The following GPC6 variants were observed in gnomAD, a reference collection of about 807,000 sequenced individuals.
GPC6 encodes glypican-6.
In GPC6, 14 loss-of-function variants were observed where a neutral mutation model predicts 55.2. That is an observed-to-expected ratio of 0.25 (90% confidence interval 0.17 to 0.40). The LOEUF (loss-of-function observed/expected upper bound fraction) is 0.40, where lower values mean the gene tolerates loss of function less well. Ranked by LOEUF, GPC6 falls within the 10% of genes least tolerant of loss-of-function variation. The pLI, the probability that GPC6 is intolerant of heterozygous loss-of-function variation, is 1.00. For missense variants in GPC6, 641 were observed against 708.5 expected (o/e 0.90, Z 1.08); for synonymous variants, 278 against 259.6 (o/e 1.07, Z -0.68).
At chr13:93,830,636 A>AAC in intron 3 of GPC6, 91 bp downstream of exon 3, 5 of 1,158,064 alleles carry the variant, frequency 4.3e-6, no homozygotes, top group African/African-American at 3.2e-5. Context: ...AAAAAAAAAA[A>AAC]AACCAAGGTA....
intron 6 of GPC6, among the ~76,000 whole-genome samples, chr13:94,320,993 T>C (rs1386866048): frequency 1.3e-5 from 2 of 152,198 alleles, no homozygotes; most frequent in Non-Finnish European, 2.9e-5. Flanking sequence ...AAAGGTTTAG[T>C]GTACAGATTA....
intron 4 of GPC6, among the ~76,000 whole-genome samples, chr13:94,158,397 T>C (rs557588917): frequency 6.7e-6 from 1 of 148,846 alleles, no homozygotes; most frequent in African/African-American, 2.5e-5. Flanking sequence ...AAAAAAAGAC[T>C]AATCTGAGAA....
chr13:93,354,981 T>A (rs1327775344), intron 1 of GPC6, among the ~76,000 whole-genome samples: 1 of 152,184 alleles, frequency 6.6e-6, no homozygotes, highest in Non-Finnish European at 1.5e-5. Flanking sequence ...TAAAAAGTAA[T>A]TCTTGATGAG....
intron 3 of GPC6, among the ~76,000 whole-genome samples, chr13:93,964,310 A>G (rs1879919256): frequency 6.6e-6 from 1 of 152,192 alleles, no homozygotes; most frequent in Non-Finnish European, 1.5e-5. Flanking sequence ...AACCCTGGGA[A>G]AATGAGGTCC....
chr13:93,455,152 C>G (rs1420559985), intron 1 of GPC6, among the ~76,000 whole-genome samples: 1 of 152,180 alleles, frequency 6.6e-6, no homozygotes, highest in Non-Finnish European at 1.5e-5. Flanking sequence ...AGCCCCGGTT[C>G]CCGCTTGCGC....
rs745879189 is a variant in GPC6 at position 93,227,588 on chromosome 13, G to C, written c.132G>C (p.Leu44=). The change falls in exon 1 of 9, where the codon CTG becomes CTC. Residue 44 remains leucine (L), a synonymous_variant. Transcript: ENST00000377047. The surrounding 1 kb of genome is among the most constrained non-coding windows in gnomAD (Gnocchi z 4.3). ...CGTACGGTGCCAAGGGATTCAGCCTGGCGGACATCCCCTACCAGGAGATCG... is the reference window on the plus strand; with the variant it reads ...CGTACGGTGCCAAGGGATTCAGCCTCGCGGACATCCCCTACCAGGAGATCG... ...RQAYGAKGFS[L]ADIPYQEIAG... is the part of the protein sequence containing the mutation. The C allele has an allele frequency of 2.9e-5, 47 of 1,609,494 alleles. No homozygotes were observed. Among genetic ancestry groups the C allele is most frequent in the Non-Finnish European group, 3.6e-5 (43 of 1,178,742 alleles).
chr13:93,630,282 G>A (rs912029430), intron 2 of GPC6, among the ~76,000 whole-genome samples: 4 of 152,164 alleles, frequency 2.6e-5, no homozygotes, highest in Non-Finnish European at 4.4e-5. Context: ...GTTATATAGA[G>A]GGTGAGGCAA....
At chr13:93,461,672 TGG>T (rs11287689) in intron 1 of GPC6, among the ~76,000 whole-genome samples, 82 of 107,026 alleles carry the variant, frequency 7.7e-4, no homozygotes, top group Non-Finnish European at 1.3e-3. Context: ...GCGGGGGGGT[TGG>T]GGGGGGGTGT....
At chr13:93,444,433 T>A (rs1344635586) in intron 1 of GPC6, among the ~76,000 whole-genome samples, 1 of 151,922 alleles carries the variant, frequency 6.6e-6, no homozygotes, top group African/African-American at 2.4e-5. Context: ...ACGGTGAAAC[T>A]TCGTCCCTAC....
chr13:93,524,432 G>A (rs1594236002), intron 1 of GPC6, among the ~76,000 whole-genome samples: 1 of 152,090 alleles, frequency 6.6e-6, no homozygotes, highest in Middle Eastern at 3.4e-3. Context: ...GGTCAAATGA[G>A]GGGAGCTTGC....
intron 1 of GPC6, among the ~76,000 whole-genome samples, chr13:93,314,529 A>G (rs551241409): frequency 1.1e-4 from 16 of 152,298 alleles, no homozygotes; most frequent in African/African-American, 3.4e-4. Flanking sequence ...ATGGCAGCAC[A>G]TAATTTAGGC....
intron 2 of GPC6, among the ~76,000 whole-genome samples, chr13:93,722,182 A>T (rs963042860): frequency 2.6e-5 from 4 of 151,758 alleles, no homozygotes; most frequent in African/African-American, 9.7e-5. Flanking sequence ...TAATCCTTCA[A>T]TTATGGCCAT....
chr13:94,330,728 T>C (rs1335637277), intron 6 of GPC6, among the ~76,000 whole-genome samples: 1 of 152,180 alleles, frequency 6.6e-6, no homozygotes, highest in East Asian at 1.9e-4. Flanking sequence ...ATAGTCAATA[T>C]GCAATGAGCT....
At chr13:93,346,881 G>C (rs6492659) in intron 1 of GPC6, among the ~76,000 whole-genome samples, 2 of 151,508 alleles carry the variant, frequency 1.3e-5, no homozygotes, top group African/African-American at 4.8e-5. Context: ...AAATAAAAAT[G>C]TCATGAACTA....
intron 4 of GPC6, among the ~76,000 whole-genome samples, chr13:94,216,222 A>G (rs775716037): frequency 2.6e-5 from 4 of 152,214 alleles, no homozygotes; most frequent in South Asian, 2.1e-4. Flanking sequence ...CTCCTAAGGT[A>G]TCAGGTAAGA....
chr13:93,383,287 CT>C (rs1875261265), intron 1 of GPC6, among the ~76,000 whole-genome samples: 1 of 152,216 alleles, frequency 6.6e-6, no homozygotes. Flanking sequence ...ACATGGCTCA[CT>C]GCAGCCCTGA....
chr13:93,930,421 G>A (rs1296487316), intron 3 of GPC6, among the ~76,000 whole-genome samples: 28 of 151,698 alleles, frequency 1.8e-4, no homozygotes, highest in Admixed American at 1.6e-3. Context: ...ACAGGCACCC[G>A]CCACCACACC....
chr13:94,066,229 A>T (rs997474619), intron 4 of GPC6, among the ~76,000 whole-genome samples: 1 of 152,154 alleles, frequency 6.6e-6, no homozygotes, highest in Non-Finnish European at 1.5e-5. Flanking sequence ...TATGTTTTTT[A>T]AAATTGGATT....
chr13:93,232,904 G>A (rs1006994022), intron 1 of GPC6, among the ~76,000 whole-genome samples: 2 of 151,844 alleles, frequency 1.3e-5, no homozygotes, highest in Admixed American at 1.3e-4. Flanking sequence ...ATCTTATATT[G>A]AAACCCACAA....
Sources: allele counts gnomAD v4.1 joint callset (sites outside exome capture counted in the v4.1 genomes callset), GRCh38; gene constraint gnomAD v4.1.1; non-coding constraint Gnocchi (gnomAD v3.1); transcripts MANE v1.5; gene names NCBI Gene and HGNC (gene_info 2026-07-23, HGNC 2026-07-21).